The following PPP1R12A variants were observed in gnomAD, a reference collection of about 807,000 sequenced individuals.
PPP1R12A encodes myosin binding subunit.
A neutral mutation model predicts 139.6 loss-of-function variants in PPP1R12A; 19 were observed. That is an observed-to-expected ratio of 0.14 (90% CI 0.09 to 0.20). The LOEUF (loss-of-function observed/expected upper bound fraction) is 0.20. Ranked by LOEUF, PPP1R12A falls within the 10% of genes least tolerant of loss-of-function variation. PPP1R12A has a pLI of 1.00. For synonymous variants in PPP1R12A, 427 were observed against 420.6 expected, an observed-to-expected ratio of 1.02 and a Z score of -0.19; for missense variants, 925 against 1,211.5, an observed-to-expected ratio of 0.76 and a Z score of 3.51.
intron 1 of PPP1R12A, among the ~76,000 whole-genome samples, chr12:79,886,839 G>A (rs1884149148): frequency 6.6e-6 from 1 of 152,104 alleles, no homozygotes; most frequent in Non-Finnish European, 1.5e-5. Context: ...ATTAAAATAT[G>A]CTCTTTATCT....
chr12:79,822,288 A>G (rs1876215795), intron 5 of PPP1R12A, 98 bp from the exon 6 acceptor site: 1 of 824,942 alleles, frequency 1.2e-6, no homozygotes, highest in Non-Finnish European at 1.9e-6. Context: ...GACGTTGGAT[A>G]ACATTTTTTA....
intron 1 of PPP1R12A, among the ~76,000 whole-genome samples, chr12:79,932,517 G>T (rs746399487): frequency 2.0e-5 from 3 of 152,186 alleles, no homozygotes; most frequent in Non-Finnish European, 4.4e-5. Flanking sequence ...GAAAAGGGGA[G>T]GCGGTTGGAG....
rs2136991715 is a variant in PPP1R12A at position 79,934,708 on chromosome 12, G to C, written c.224C>G (p.Thr75Ser). Residue 75 changes from threonine to serine, a missense_variant, in exon 1 of 25, where the codon ACT (threonine) becomes AGT (serine). Thr to Ser is a moderately conservative substitution (Grantham distance 58). Coordinates refer to ENST00000450142, the MANE Select transcript of PPP1R12A (RefSeq NM_002480.3). ...GGGCGCACAGACCTGGTGCAGGGCA[G>C]TGAGTCCGTCCACATTGGCGTAATT... ...DINYANVDGL[T>S]ALHQACIDDN... is the part of the protein sequence containing the mutation. The C allele has an allele frequency of 6.5e-7, 1 of 1,543,580 alleles. No individual in the cohort carries two copies. Among genetic ancestry groups the C allele is most frequent in the Admixed American group, 2.0e-5 (1 of 50,492 alleles).
intron 14 of PPP1R12A, among the ~76,000 whole-genome samples, chr12:79,800,808 A>G (rs1045809806): frequency 6.8e-6 from 1 of 146,806 alleles, no homozygotes; most frequent in African/African-American, 2.5e-5. Context: ...ATCTTGGCTC[A>G]CTGCAAGCTT....
intron 2 of PPP1R12A, among the ~76,000 whole-genome samples, chr12:79,849,913 C>G (rs1879846710): frequency 6.6e-6 from 1 of 152,046 alleles, no homozygotes; most frequent in South Asian, 2.1e-4. Context: ...ACCTTGAACT[C>G]TTAGGCTCAA....
intron 1 of PPP1R12A, among the ~76,000 whole-genome samples, chr12:79,880,162 T>G (rs1436932770): frequency 6.6e-6 from 1 of 152,180 alleles, no homozygotes; most frequent in Admixed American, 6.6e-5. Flanking sequence ...TATAGTTGGA[T>G]AGTCCATAAA....
chr12:79,863,397 A>T (rs1201609412), intron 2 of PPP1R12A, among the ~76,000 whole-genome samples: 2 of 152,148 alleles, frequency 1.3e-5, no homozygotes, highest in African/African-American at 4.8e-5. Context: ...CACTATGAAG[A>T]AACTGCATCA....
At chr12:79,846,331 A>G (rs1879384056) in intron 2 of PPP1R12A, among the ~76,000 whole-genome samples, 1 of 152,244 alleles carries the variant, frequency 6.6e-6, no homozygotes, top group Admixed American at 6.5e-5. Context: ...TTCAGATACA[A>G]AAAGGTTATT....
chr12:79,889,398 A>G (rs1884390978), intron 1 of PPP1R12A, among the ~76,000 whole-genome samples: 1 of 152,186 alleles, frequency 6.6e-6, no homozygotes, highest in African/African-American at 2.4e-5. Flanking sequence ...GTGATAGAAA[A>G]GACAACAAAA....
intron 2 of PPP1R12A, among the ~76,000 whole-genome samples, chr12:79,851,695 C>T (rs1565778199): frequency 6.6e-6 from 1 of 152,166 alleles, no homozygotes; most frequent in African/African-American, 2.4e-5. Flanking sequence ...GAAAAGTTTT[C>T]AGTGATCATT....
intron 2 of PPP1R12A, among the ~76,000 whole-genome samples, chr12:79,859,337 T>TAA (rs762029004): frequency 6.7e-5 from 5 of 74,316 alleles, no homozygotes; most frequent in African/African-American, 1.4e-4. Context: ...ACTCTGTCTT[T>TAA]AAAAAAAAAA....
In PPP1R12A at chr12:79,935,050, G is replaced by A; in HGVS notation, c.-119C>T. On this transcript the variant is annotated 5_prime_UTR_variant, in exon 1 of 25. Coordinates refer to ENST00000450142, the MANE Select transcript of PPP1R12A (RefSeq NM_002480.3). ...TATGAGTGCGGGCCAGAGGAGGGCT[G>A]GGAACCCGGAGCCGACGCTCGAGAC... is the stretch of plus-strand genomic sequence containing the variant. 2 of 1,409,756 alleles carry A rather than the reference G, an allele frequency of 1.4e-6. No homozygotes were observed. The highest frequency in any genetic ancestry group is 1.8e-6 in the Non-Finnish European group (2 of 1,083,638). 87.3% of individuals were successfully genotyped at this position (1,409,756 alleles called of 1,614,324 possible). A position where few individuals can be genotyped will look rare whatever the true frequency, so the allele number is the denominator to read the frequency against.
intron 2 of PPP1R12A, among the ~76,000 whole-genome samples, chr12:79,868,077 CAACT>C (rs1882177424): frequency 1.3e-5 from 2 of 152,058 alleles, no homozygotes; most frequent in African/African-American, 4.8e-5. Flanking sequence ...AAAAATATTC[CAACT>C]AATAAATAAA....
intron 1 of PPP1R12A, among the ~76,000 whole-genome samples, chr12:79,918,455 T>C (rs1451714788): frequency 6.6e-6 from 1 of 152,178 alleles, no homozygotes; most frequent in African/African-American, 2.4e-5. Context: ...GCAATATCAA[T>C]ACTCTGCTGC....
At chr12:79,778,694 G>T (rs1227306688) in intron 23 of PPP1R12A, 94 bp from the exon 24 acceptor site, 3 of 808,596 alleles carry the variant, frequency 3.7e-6, no homozygotes, top group Non-Finnish European at 5.4e-6. Context: ...CAGAATTAAA[G>T]GTCCAATCAG....
chr12:79,932,582 G>A (rs960683533), intron 1 of PPP1R12A, among the ~76,000 whole-genome samples: 2 of 152,086 alleles, frequency 1.3e-5, no homozygotes, highest in Admixed American at 6.6e-5. Flanking sequence ...AAGATATTAC[G>A]CAAATGGAGT....
chr12:79,825,618 A>T (rs181024849), intron 5 of PPP1R12A: 133 of 151,976 alleles, frequency 8.8e-4, no homozygotes, highest in African/African-American at 2.8e-3. Context: ...TTACTATATT[A>T]TACATTATTT....
intron 23 of PPP1R12A, chr12:79,780,227 A>C (rs1870258795): frequency 7.3e-6 from 1 of 136,892 alleles, no homozygotes; most frequent in Admixed American, 7.7e-5. Flanking sequence ...ACAAACAAAC[A>C]AAAAAAAAAC....
chr12:79,805,108 G>C (rs1288121656), intron 14 of PPP1R12A, among the ~76,000 whole-genome samples: 1 of 152,100 alleles, frequency 6.6e-6, no homozygotes, highest in African/African-American at 2.4e-5. Context: ...AAAATTATTT[G>C]GCTTACACTT....
Sources: gnomAD v4.1 joint callset for allele counts (sites outside exome capture counted in the v4.1 genomes callset) on GRCh38, gnomAD v4.1.1 for gene constraint, MANE v1.5 for transcripts, NCBI Gene and HGNC (gene_info 2026-07-23, HGNC 2026-07-21) for gene names.